Variants in LPAR1 observed in about 807,000 individuals in gnomAD.
LPAR1 encodes lysophosphatidic acid receptor 1, also known as LPA receptor 1.
In LPAR1, 5 loss-of-function variants were observed where a neutral mutation model predicts 23.8. The ratio of observed to expected loss-of-function variants is 0.21; its 90% CI spans 0.11 to 0.44. LPAR1 has a LOEUF of 0.44. LPAR1 is among the 20% of genes least tolerant of loss of function. The pLI, the probability that LPAR1 is intolerant of heterozygous loss-of-function variation, is 0.99. For synonymous variants in LPAR1, 160 were observed against 164.7 expected (o/e 0.97, Z 0.22); for missense variants, 311 against 482.8 (o/e 0.64, Z 3.33).
At chr9:110,961,617 CAAAAAAAAAAA>C (rs57773067) in intron 4 of LPAR1, among the ~76,000 whole-genome samples, 3 of 79,862 alleles carry the variant, frequency 3.8e-5, no homozygotes, top group East Asian at 7.6e-4. Flanking sequence ...GAGACTATCT[CAAAAAAAAAAA>C]AAAAAAAAAA....
chr9:110,926,783 G>C lies in LPAR1; in HGVS notation c.793+14638C>G, dbSNP rs182047752. 4.6e-5 allele frequency among the ~76,000 whole-genome samples: 7 copies of C among 152,140 alleles called. No individual in the cohort carries two copies. The East Asian group carries it at 1.4e-3, about 29-fold the overall frequency. ...CAAGTGTGCAAACTCACATGCCTGG[G>C]GCAATCACGGATACTCACAGTACCA... On this transcript the variant is annotated intron_variant, in intron 5 of 5. Coordinates refer to ENST00000683809, the MANE Select transcript of LPAR1 (RefSeq NM_001351411.2).
chr9:110,937,926 C>T (rs770709800), intron 5 of LPAR1, among the ~76,000 whole-genome samples: 1 of 152,128 alleles, frequency 6.6e-6, no homozygotes, highest in South Asian at 2.1e-4. Context: ...GTTTTCCAGG[C>T]TGTTGTATTT....
intron 2 of LPAR1, among the ~76,000 whole-genome samples, chr9:111,026,206 G>A (rs2097688559): frequency 6.6e-6 from 1 of 152,104 alleles, no homozygotes; most frequent in African/African-American, 2.4e-5. Context: ...GTTTCCTTGA[G>A]CACTGGTTTG....
intron 2 of LPAR1, among the ~76,000 whole-genome samples, chr9:110,998,154 C>T (rs1218542727): frequency 6.6e-6 from 1 of 152,180 alleles, no homozygotes; most frequent in African/African-American, 2.4e-5. Flanking sequence ...ACTCACTAAA[C>T]TGTCCATTTA....
chr9:110,949,616 A>G (rs1588488793), intron 4 of LPAR1, among the ~76,000 whole-genome samples: 1 of 152,302 alleles, frequency 6.6e-6, no homozygotes. Flanking sequence ...TTATTTTCCC[A>G]GTTTATTTGG....
chr9:110,875,464 G>C lies in LPAR1; in HGVS notation c.1052C>G (p.Thr351Ser). Residue 351 changes from threonine to serine, a missense_variant, in exon 6 of 6, where the codon ACC becomes AGC. By Grantham distance (58) the Thr-to-Ser change is moderately conservative. Around this residue, in one of 2 missense-constraint regions of LPAR1, gnomAD observed 250 missense variants for 427.2 expected, o/e 0.59. Transcript: ENST00000683809. ...ATTGCTGTGAACTCCAGCCAAGATG[G>C]TGTGGTTGAGGGAGGAAGCCGAGCG... ...SDRSASSLNH[T>S]ILAGVHSNDH... is the part of the protein sequence containing the mutation. 1 of 1,613,970 alleles carries C rather than the reference G, an allele frequency of 6.2e-7. No homozygotes were observed. The highest frequency in any genetic ancestry group is 1.3e-5 in the African/African-American group (1 of 75,040).
chr9:110,946,222 A>G (rs1361370763), intron 4 of LPAR1, among the ~76,000 whole-genome samples: 1 of 152,136 alleles, frequency 6.6e-6, no homozygotes, highest in African/African-American at 2.4e-5. Context: ...ACATATAGGA[A>G]AAAAATTCAA....
intron 2 of LPAR1, among the ~76,000 whole-genome samples, chr9:111,002,621 A>G (rs150283646): frequency 1.3e-3 from 197 of 152,322 alleles, no homozygotes; most frequent in African/African-American, 4.5e-3. Flanking sequence ...AACACAGTGC[A>G]ATATTCATTG....
At chr9:111,013,706 G>C (rs1427079924) in intron 2 of LPAR1, among the ~76,000 whole-genome samples, 1 of 152,112 alleles carries the variant, frequency 6.6e-6, no homozygotes, top group Non-Finnish European at 1.5e-5. Flanking sequence ...GGTGATCAGG[G>C]AGCCGTGACA....
At chr9:110,906,902 CTAAAAATT>C (rs1371030490) in intron 5 of LPAR1, among the ~76,000 whole-genome samples, 5,679 of 152,008 alleles carry the variant, frequency 0.037, 173 homozygotes, top group Non-Finnish European at 0.047. Context: ...AAGGAAGTTT[CTAAAAATT>C]ATGATATAAA....
intron 2 of LPAR1, among the ~76,000 whole-genome samples, chr9:110,992,127 G>A (rs2096908438): frequency 6.6e-6 from 1 of 151,826 alleles, no homozygotes; most frequent in African/African-American, 2.4e-5. Context: ...CACAAACTGA[G>A]AGAAAATACT....
chr9:110,909,853 TCCTC>T (rs1430516691), intron 5 of LPAR1, among the ~76,000 whole-genome samples: 3 of 151,944 alleles, frequency 2.0e-5, no homozygotes, highest in African/African-American at 7.2e-5. Flanking sequence ...TCAAAAGTGA[TCCTC>T]CCACCTCAGC....
In LPAR1 at chr9:110,922,043, C is replaced by A. The variant is rs143969130; in HGVS notation, c.793+19378G>T. Among the ~76,000 whole-genome samples, 21 of 152,246 alleles carry A rather than the reference C, an allele frequency of 1.4e-4. No individual in the cohort carries two copies. In the East Asian group the frequency reaches 4.1e-3, roughly 29 times the overall value. On this transcript the variant is annotated intron_variant, in intron 5 of 5. Transcript: ENST00000683809. ...TGAGTATGCAGAGAGCGGACCTGAG[C>A]AGCGGAGAAAGTAACCAGAGAGCTG...
intron 4 of LPAR1, among the ~76,000 whole-genome samples, chr9:110,942,919 G>A (rs1391751225): frequency 6.6e-6 from 1 of 151,882 alleles, no homozygotes; most frequent in African/African-American, 2.4e-5. Flanking sequence ...TAGATTAGAT[G>A]CAGCATATTT....
intron 2 of LPAR1, among the ~76,000 whole-genome samples, chr9:111,033,781 G>A (rs2097845252): frequency 6.6e-6 from 1 of 152,118 alleles, no homozygotes; most frequent in Admixed American, 6.6e-5. Context: ...TCAAACTCTT[G>A]ACCTCAGGTG....
intron 5 of LPAR1, among the ~76,000 whole-genome samples, chr9:110,917,177 A>C (rs2093221934): frequency 7.8e-6 from 1 of 128,308 alleles, no homozygotes; most frequent in Non-Finnish European, 1.6e-5. Context: ...GTCTCTACTA[A>C]AAATACAAAA....
At chr9:110,968,769 G>A (rs2096305433) in intron 4 of LPAR1, among the ~76,000 whole-genome samples, 1 of 152,134 alleles carries the variant, frequency 6.6e-6, no homozygotes, top group Non-Finnish European at 1.5e-5. Flanking sequence ...AAGGCTTGCT[G>A]AGCAATAATA....
chr9:110,974,112 T>G (rs1320690633), intron 2 of LPAR1, among the ~76,000 whole-genome samples: 2 of 151,838 alleles, frequency 1.3e-5, no homozygotes, highest in Admixed American at 6.6e-5. Flanking sequence ...TGAGCCGAGA[T>G]CGTGCCACTG....
At chr9:110,892,149 A>G (rs927718231) in intron 5 of LPAR1, among the ~76,000 whole-genome samples, 1 of 152,234 alleles carries the variant, frequency 6.6e-6, no homozygotes, top group African/African-American at 2.4e-5. Flanking sequence ...TCCATCCACA[A>G]ATCAACAGGT....
Sources: gnomAD v4.1 joint callset for allele counts (sites outside exome capture counted in the v4.1 genomes callset) on GRCh38, gnomAD v4.1.1 for gene constraint, gnomAD v4.1.1 regional missense constraint, MANE v1.5 for transcripts, NCBI Gene and HGNC (gene_info 2026-07-23, HGNC 2026-07-21) for gene names.